The following COQ2 variants were observed in gnomAD, a reference collection of about 807,000 sequenced individuals.
COQ2 encodes 4-hydroxybenzoate polyprenyltransferase, mitochondrial.
A neutral mutation model predicts 35.7 loss-of-function variants in COQ2; 25 were observed. The observed-to-expected ratio is 0.70, with a 90% CI of 0.51 to 0.98. COQ2 has a LOEUF of 0.98. Among genes scored for constraint, COQ2 ranks in the 50% least tolerant of loss-of-function variants. The probability of loss-of-function intolerance (pLI) is 0.00; values close to 1 mark genes in which losing one functional copy is unlikely to be tolerated. For synonymous variants in COQ2, 206 were observed against 186.2 expected, an observed-to-expected ratio of 1.11 and a Z score of -0.86; for missense variants, 488 against 473.5, an observed-to-expected ratio of 1.03 and a Z score of -0.28.
intron 6 of COQ2, among the ~76,000 whole-genome samples, chr4:83,265,789 C>G (rs780309607): frequency 2.0e-5 from 3 of 151,772 alleles, no homozygotes; most frequent in Admixed American, 6.6e-5. Context: ...CTCAGCCTCT[C>G]GAGTGGCTGG....
chr4:83,279,541 A>T (rs973595410), intron 1 of COQ2, among the ~76,000 whole-genome samples: 1 of 152,170 alleles, frequency 6.6e-6, no homozygotes, highest in Non-Finnish European at 1.5e-5. Context: ...ACCTTTGTGA[A>T]GGACAACTTA....
rs536990112 is a variant in COQ2, at chr4:83,279,751, A to G, written c.254-637T>C. Among the ~76,000 whole-genome samples the G allele has an allele frequency of 2.0e-5, 3 of 152,178 alleles. No homozygotes were observed. In the East Asian group the frequency reaches 5.8e-4, roughly 29 times the overall value. On this transcript the variant is annotated intron_variant, in intron 1 of 6. Coordinates refer to ENST00000647002, the MANE Select transcript of COQ2 (RefSeq NM_001358921.2). ...GAGTAAGAGACTTGCCTTTCACTCT[A>G]TACCCTGGCACCTTCTGAATATTGT...
In COQ2 at chr4:83,273,590, C is replaced by T; in HGVS notation, c.448G>A (p.Ala150Thr). The T allele has an allele frequency of 6.2e-7, 1 of 1,613,484 alleles. No individual in the cohort carries two copies. Among genetic ancestry groups the T allele is most frequent in the Non-Finnish European group, 8.5e-7 (1 of 1,179,692 alleles). Residue 150 changes from alanine to threonine, a missense_variant, in exon 3 of 7, where the codon GCC becomes ACC. By Grantham distance (58) the Ala-to-Thr change is moderately conservative. Coordinates refer to ENST00000647002, the MANE Select transcript of COQ2 (RefSeq NM_001358921.2). ...TGAAAAGTTGAAATGTCTCCAGCGG[C>T]TATTGGACGATTGGCTGTTCTTGTA... ...KVTRTANRPIAAGDISTFQSF... is the reference protein window; with the variant it reads ...KVTRTANRPITAGDISTFQSF...
intron 1 of COQ2, 55 bp downstream of exon 1, chr4:83,284,457 C>T (rs1735402133): frequency 6.6e-7 from 1 of 1,514,380 alleles, no homozygotes. Flanking sequence ...TCCGCGGAGC[C>T]GACTCGGAGG....
At chr4:83,280,899 A>C (rs1406566021) in intron 1 of COQ2, among the ~76,000 whole-genome samples, 2 of 152,218 alleles carry the variant, frequency 1.3e-5, no homozygotes, top group African/African-American at 4.8e-5. Context: ...AGTGTTCTAA[A>C]TGCTTTATAT....
At chr4:83,279,860 CT>C (rs11420227) in intron 1 of COQ2, among the ~76,000 whole-genome samples, 3,315 of 130,120 alleles carry the variant, frequency 0.025, 114 homozygotes, top group African/African-American at 0.088. Flanking sequence ...ACGGTCTAGT[CT>C]TTTTTTTTTT....
intron 1 of COQ2, 145 bp from the exon 2 acceptor site, chr4:83,279,259 C>G: frequency 9.3e-7 from 1 of 1,070,454 alleles, no homozygotes; most frequent in Non-Finnish European, 1.3e-6. Flanking sequence ...ATTTGCAACT[C>G]AAATCACAAA....
chr4:83,284,771 G>C lies in COQ2; in HGVS notation c.-7C>G. 1 of 1,558,030 alleles carries C rather than the reference G, an allele frequency of 6.4e-7. No individual in the cohort carries two copies. Among genetic ancestry groups the C allele is most frequent in the Admixed American group, 1.9e-5 (1 of 53,668 alleles). ...CGGCTCGCGAGCCCAGCATGGCGCT[G>C]GTGAGGCCGGGACGAGCTCGGATTG... On this transcript the variant is annotated 5_prime_UTR_variant, in exon 1 of 7. Coordinates refer to ENST00000647002, the MANE Select transcript of COQ2 (RefSeq NM_001358921.2).
chr4:83,280,597 A>G (rs1429699969), intron 1 of COQ2, among the ~76,000 whole-genome samples: 1 of 152,266 alleles, frequency 6.6e-6, no homozygotes, highest in African/African-American at 2.4e-5. Flanking sequence ...ATAAGCAATA[A>G]CAATAAAAGA....
intron 3 of COQ2, 130 bp from the exon 4 acceptor site, chr4:83,272,302 G>A (rs1477774069): frequency 2.0e-6 from 1 of 504,710 alleles, no homozygotes; most frequent in East Asian, 3.7e-5. Flanking sequence ...TTTTATGTAA[G>A]TTATCTTCCT....
At chr4:83,274,927 C>T (rs1735132567) in intron 2 of COQ2, among the ~76,000 whole-genome samples, 1 of 152,128 alleles carries the variant, frequency 6.6e-6, no homozygotes, top group African/African-American at 2.4e-5. Context: ...TCCTCTGTCC[C>T]CTCCATTCTG....
At chr4:83,270,831 C>T (rs1382468331) in intron 4 of COQ2, among the ~76,000 whole-genome samples, 5 of 152,198 alleles carry the variant, frequency 3.3e-5, no homozygotes, top group South Asian at 4.1e-4. Context: ...TGCTGCAATT[C>T]CTAGCACGAA....
rs754737972 is a variant in COQ2 at position 83,269,912 on chromosome 4, TAA to T, written c.708_709del (p.Tyr237PhefsTer11). Reference sequence around the variant, plus strand: ...TAGTGTCCACATAACTCCAGAAAAATAAAGAGGCAGGCAAACAGATGGATCAC... The same window carrying T: ...TAGTGTCCACATAACTCCAGAAAAATAGAGGCAGGCAAACAGATGGATCAC... On this transcript the variant is annotated frameshift_variant, in exon 5 of 7. Coordinates refer to ENST00000647002, the MANE Select transcript of COQ2 (RefSeq NM_001358921.2). LOFTEE classifies it high-confidence loss of function. 8 of 1,612,342 alleles carry T rather than the reference TAA, an allele frequency of 5.0e-6. No individual in the cohort carries two copies. The highest frequency in any genetic ancestry group is 6.8e-6 in the Non-Finnish European group (8 of 1,178,818).
chr4:83,277,873 G>C (rs912538324), intron 2 of COQ2, among the ~76,000 whole-genome samples: 1 of 151,926 alleles, frequency 6.6e-6, no homozygotes, highest in African/African-American at 2.4e-5. Flanking sequence ...GGAGGCTGAG[G>C]CAGGAGAATC....
chr4:83,283,498 T>G (rs915287852), intron 1 of COQ2: 1 of 985,378 alleles, frequency 1.0e-6, no homozygotes, highest in African/African-American at 1.7e-5. Context: ...TTCCCTCCTC[T>G]GCAAAATCAA....
intron 6 of COQ2, among the ~76,000 whole-genome samples, chr4:83,265,487 G>A (rs1404196694): frequency 3.3e-5 from 5 of 152,060 alleles, no homozygotes; most frequent in South Asian, 2.1e-4. Context: ...CACGAGAATC[G>A]CTTGAAACCA....
At chr4:83,273,106 T>C (rs556944074) in intron 3 of COQ2, among the ~76,000 whole-genome samples, 1 of 152,338 alleles carries the variant, frequency 6.6e-6, no homozygotes, top group East Asian at 1.9e-4. Flanking sequence ...TAGTTCCTCT[T>C]TTTGCAAAAT....
chr4:83,284,829 C>G (rs776453871), upstream of COQ2: 5 of 1,561,264 alleles, frequency 3.2e-6, no homozygotes, highest in Non-Finnish European at 4.3e-6. Context: ...CGCAGTGGCA[C>G]CCGCAGGATG....
intron 1 of COQ2, among the ~76,000 whole-genome samples, chr4:83,281,205 G>A (rs1170257595): frequency 6.6e-6 from 1 of 152,184 alleles, no homozygotes; most frequent in Non-Finnish European, 1.5e-5. Flanking sequence ...CTGGAGCTAT[G>A]AGTATAGTTC....
Sources: gnomAD v4.1 joint callset for allele counts (sites outside exome capture counted in the v4.1 genomes callset) on GRCh38, gnomAD v4.1.1 for gene constraint, MANE v1.5 for transcripts, NCBI Gene and HGNC (gene_info 2026-07-23, HGNC 2026-07-21) for gene names.